Variants in CBFA2T2 observed in about 807,000 individuals in gnomAD.
The protein encoded by CBFA2T2 is protein CBFA2T2.
In CBFA2T2, 11 loss-of-function variants were observed where a neutral mutation model predicts 62.2. That is an observed-to-expected ratio of 0.18 (90% CI 0.11 to 0.29). The LOEUF is 0.29. CBFA2T2 is among the 10% of genes least tolerant of loss of function. The pLI is 1.00. For synonymous variants in CBFA2T2, 295 were observed against 287.5 expected (o/e 1.03, Z -0.27); for missense variants, 592 against 774.1 (o/e 0.76, Z 2.79).
At chr20:33,611,478 T>C (rs2015526683) in intron 3 of CBFA2T2, 143 bp downstream of exon 3, 3 of 962,934 alleles carry the variant, frequency 3.1e-6, no homozygotes, top group African/African-American at 3.3e-5. Flanking sequence ...ATTGAATAAC[T>C]TGTGTAAAAC....
intron 1 of CBFA2T2, among the ~76,000 whole-genome samples, chr20:33,529,746 TATATATA>T (rs1568802639): frequency 0.031 from 4,040 of 129,278 alleles, 344 homozygotes; most frequent in African/African-American, 0.1. Flanking sequence ...AAAGCAGTTA[TATATATA>T]TATATATATA....
At chr20:33,503,722 A>G (rs1435118882) in intron 1 of CBFA2T2, among the ~76,000 whole-genome samples, 1 of 152,062 alleles carries the variant, frequency 6.6e-6, no homozygotes, top group Non-Finnish European at 1.5e-5. Flanking sequence ...GGGTCTTACT[A>G]TGTTGCCCCG....
intron 1 of CBFA2T2, among the ~76,000 whole-genome samples, chr20:33,545,567 C>A (rs2012540484): frequency 6.6e-6 from 1 of 152,184 alleles, no homozygotes; most frequent in Non-Finnish European, 1.5e-5. Flanking sequence ...CTGCCTCAGC[C>A]TCCTGAGTAG....
At chr20:33,618,362 TG>T (rs1326038974) in intron 3 of CBFA2T2, 1 of 152,238 alleles carries the variant, frequency 6.6e-6, no homozygotes, top group African/African-American at 2.4e-5. Context: ...TGTTTTAATT[TG>T]TTATCATACA....
intron 1 of CBFA2T2, among the ~76,000 whole-genome samples, chr20:33,591,906 G>A (rs2014663612): frequency 6.6e-6 from 1 of 152,022 alleles, no homozygotes; most frequent in African/African-American, 2.4e-5. Context: ...TGTTCATGCT[G>A]TCTCCATTTC....
chr20:33,490,207 C>A lies in CBFA2T2; in HGVS notation c.-61C>A. 1 of 1,210,060 alleles carries A rather than the reference C, an allele frequency of 8.3e-7. No homozygotes were observed. Among genetic ancestry groups the A allele is most frequent in the Non-Finnish European group, 1.0e-6 (1 of 975,044 alleles). 75.0% of individuals were successfully genotyped at this position (1,210,060 alleles called of 1,614,324 possible). A position where few individuals can be genotyped will look rare whatever the true frequency, so the allele number is the denominator to read the frequency against. ...CCGGGCCGCGGGTCGAGGCGGGCGGCGCCTGCGAGGGACCCGTGTCGCGGG... is the reference window on the plus strand; with the variant it reads ...CCGGGCCGCGGGTCGAGGCGGGCGGAGCCTGCGAGGGACCCGTGTCGCGGG... On this transcript the variant is annotated 5_prime_UTR_variant, in exon 1 of 11. Coordinates refer to ENST00000342704, the MANE Select transcript of CBFA2T2 (RefSeq NM_001032999.3).
intron 1 of CBFA2T2, among the ~76,000 whole-genome samples, chr20:33,501,408 A>G (rs1440077189): frequency 1.3e-5 from 2 of 152,218 alleles, no homozygotes; most frequent in East Asian, 3.9e-4. Flanking sequence ...AGATTTATTC[A>G]TTTTGGCCTT....
At chr20:33,580,751 G>T (rs1440637329) in intron 1 of CBFA2T2, among the ~76,000 whole-genome samples, 1 of 152,090 alleles carries the variant, frequency 6.6e-6, no homozygotes, top group African/African-American at 2.4e-5. Context: ...TACCTAGGAG[G>T]CCAAGGTGGG....
intron 1 of CBFA2T2, among the ~76,000 whole-genome samples, chr20:33,537,071 C>A (rs1260471218): frequency 6.6e-6 from 1 of 152,242 alleles, no homozygotes; most frequent in Non-Finnish European, 1.5e-5. Context: ...ATGCTCCTCA[C>A]TTCCTAGACG....
At chr20:33,517,450 GTGTTTTT>G (rs2011620624) in intron 1 of CBFA2T2, among the ~76,000 whole-genome samples, 1 of 129,126 alleles carries the variant, frequency 7.7e-6, no homozygotes, top group South Asian at 2.4e-4. Flanking sequence ...GGTTTTTTTG[GTGTTTTT>G]TTTTTTTTTT....
intron 1 of CBFA2T2, among the ~76,000 whole-genome samples, chr20:33,552,067 C>T (rs144383904): frequency 6.7e-6 from 1 of 148,436 alleles, no homozygotes; most frequent in Non-Finnish European, 1.5e-5. Flanking sequence ...AGTTTGATTG[C>T]TTCCCTGGTT....
chr20:33,511,845 A>G lies in CBFA2T2; in HGVS notation c.34+21544A>G, dbSNP rs553158773. Reference sequence around the variant, plus strand: ...GGATGCAGTGAGCCATGATCATGCCACTGCACTCCAGCTTGGGCTACAGAG... The same window carrying G: ...GGATGCAGTGAGCCATGATCATGCCGCTGCACTCCAGCTTGGGCTACAGAG... On this transcript the variant is annotated intron_variant, in intron 1 of 10. Coordinates refer to ENST00000342704, the MANE Select transcript of CBFA2T2 (RefSeq NM_001032999.3). Among the ~76,000 whole-genome samples, 7 of 152,118 alleles carry G rather than the reference A, an allele frequency of 4.6e-5. No individual in the cohort carries two copies. The South Asian group carries it at 1.5e-3, about 32-fold the overall frequency.
At chr20:33,528,823 G>A (rs1282423822) in intron 1 of CBFA2T2, among the ~76,000 whole-genome samples, 1 of 152,134 alleles carries the variant, frequency 6.6e-6, no homozygotes, top group Non-Finnish European at 1.5e-5. Context: ...ACAGGCGTAA[G>A]CCACTGCACC....
chr20:33,533,297 C>G (rs1452629362), intron 1 of CBFA2T2, among the ~76,000 whole-genome samples: 1 of 152,188 alleles, frequency 6.6e-6, no homozygotes, highest in African/African-American at 2.4e-5. Context: ...CATGCTCCCC[C>G]TGCCCTGTCT....
intron 1 of CBFA2T2, among the ~76,000 whole-genome samples, chr20:33,512,328 G>C (rs1350687803): frequency 6.6e-6 from 1 of 152,108 alleles, no homozygotes; most frequent in Non-Finnish European, 1.5e-5. Flanking sequence ...TCCAGCCTGG[G>C]CGACAGAGCG....
In CBFA2T2 at chr20:33,540,350, C is replaced by G. The variant is rs570357577; in HGVS notation, c.34+50049C>G. On this transcript the variant is annotated intron_variant, in intron 1 of 10. Coordinates refer to ENST00000342704, the MANE Select transcript of CBFA2T2 (RefSeq NM_001032999.3). Reference sequence around the variant, plus strand: ...ACTTACACAAACCTACATAATATAGCCTACTACACACCTAGGATATATGTA... The same window carrying G: ...ACTTACACAAACCTACATAATATAGGCTACTACACACCTAGGATATATGTA... 6.6e-5 allele frequency among the ~76,000 whole-genome samples: 10 copies of G among 152,192 alleles called. No homozygotes were observed. In the South Asian group the frequency reaches 1.0e-3, roughly 16 times the overall value.
intron 1 of CBFA2T2, among the ~76,000 whole-genome samples, chr20:33,512,034 G>T (rs1230641125): frequency 6.6e-6 from 1 of 152,218 alleles, no homozygotes; most frequent in Admixed American, 6.5e-5. Flanking sequence ...AAGATTAGCT[G>T]GGCGTGGTGG....
chr20:33,537,045 G>A (rs1307354084), intron 1 of CBFA2T2, among the ~76,000 whole-genome samples: 1 of 152,008 alleles, frequency 6.6e-6, no homozygotes, highest in Non-Finnish European at 1.5e-5. Context: ...CCCAGACGAT[G>A]GGCGGCCAGG....
chr20:33,535,877 G>A (rs1427286072), intron 1 of CBFA2T2, among the ~76,000 whole-genome samples: 1 of 151,970 alleles, frequency 6.6e-6, no homozygotes, highest in African/African-American at 2.4e-5. Context: ...GATTCTTAAC[G>A]AGCATGCTGC....
Sources: allele counts gnomAD v4.1 joint callset (sites outside exome capture counted in the v4.1 genomes callset), GRCh38; gene constraint gnomAD v4.1.1; transcripts MANE v1.5; gene names NCBI Gene and HGNC (gene_info 2026-07-23, HGNC 2026-07-21).